RARS2: variants seen among roughly 807,000 people sequenced by gnomAD.
The protein encoded by RARS2 is probable arginine--tRNA ligase, mitochondrial.
RARS2 carries 67 observed loss-of-function variants against 88.5 expected under a neutral mutation model. That is an observed-to-expected ratio of 0.76 (90% CI 0.62 to 0.93). The LOEUF is 0.93. Ranked by LOEUF, RARS2 falls within the 40% of genes least tolerant of loss-of-function variation. RARS2 has a pLI of 0.00. For synonymous variants in RARS2, 239 were observed against 230.3 expected (o/e 1.04, Z -0.34); for missense variants, 664 against 684.2 (o/e 0.97, Z 0.33).
chr6:87,558,593 TA>T (rs1562198261), intron 4 of RARS2, among the ~76,000 whole-genome samples: 1 of 152,230 alleles, frequency 6.6e-6, no homozygotes, highest in Non-Finnish European at 1.5e-5. Context: ...CCATTAAGAC[TA>T]TAATGGAGCT....
At chr6:87,578,989 A>AATAT (rs1772527544) in intron 1 of RARS2, among the ~76,000 whole-genome samples, 1 of 147,466 alleles carries the variant, frequency 6.8e-6, no homozygotes, top group African/African-American at 2.5e-5. Context: ...AAAAAAGACT[A>AATAT]ATATTTACTG....
At chr6:87,556,436 A>G (rs1785913829) in intron 4 of RARS2, among the ~76,000 whole-genome samples, 1 of 151,988 alleles carries the variant, frequency 6.6e-6, no homozygotes, top group South Asian at 2.1e-4. Context: ...CTACCACCTC[A>G]GCCTCCAGAG....
intron 18 of RARS2, 25 bp from the exon 19 acceptor site, chr6:87,515,045 G>A (rs766409018): frequency 5.7e-6 from 9 of 1,566,064 alleles, no homozygotes; most frequent in East Asian, 2.2e-5. Context: ...GAGAAATCAC[G>A]ATAGTACCAG....
intron 4 of RARS2, among the ~76,000 whole-genome samples, chr6:87,560,758 A>G (rs1787600770): frequency 6.6e-6 from 1 of 152,188 alleles, no homozygotes; most frequent in Non-Finnish European, 1.5e-5. Flanking sequence ...GCGGTGGTGC[A>G]TGCCTGTAAT....
At chr6:87,529,697 C>T (rs1484366776) in intron 9 of RARS2, 49 bp from the exon 10 acceptor site, 3 of 1,359,120 alleles carry the variant, frequency 2.2e-6, no homozygotes, top group Non-Finnish European at 3.2e-6. Flanking sequence ...ATTGAATCTC[C>T]TATTCTTACC....
In RARS2 at chr6:87,530,926, T is replaced by C. The variant is rs1777319482; in HGVS notation, c.629A>G (p.Asn210Ser). Residue 210 changes from asparagine to serine, a missense_variant, in exon 9 of 20, where the codon AAT (asparagine) becomes AGT (serine). Asn to Ser is a conservative substitution (Grantham distance 46). Coordinates refer to ENST00000369536, the MANE Select transcript of RARS2 (RefSeq NM_020320.5). Reference sequence around the variant, plus strand: ...ACTTTTATCATCTGCTGCTTCTTTATTAACTTGTACATAAACCTAAAAGTA... The same window carrying C: ...ACTTTTATCATCTGCTGCTTCTTTACTAACTTGTACATAAACCTAAAAGTA... Reference protein sequence around the residue: ...QHLFEVYVQVNKEAADDKSVA... With the variant: ...QHLFEVYVQVSKEAADDKSVA... The C allele has an allele frequency of 1.2e-6, 2 of 1,614,168 alleles. No individual in the cohort carries two copies. Among genetic ancestry groups the C allele is most frequent in the Non-Finnish European group, 1.7e-6 (2 of 1,180,018 alleles).
intron 1 of RARS2, among the ~76,000 whole-genome samples, chr6:87,586,886 T>C (rs1775332079): frequency 6.0e-5 from 1 of 16,762 alleles, no homozygotes; most frequent in South Asian, 1.4e-3. Flanking sequence ...GGTTGGTTAT[T>C]TATTTATTTA....
intron 1 of RARS2, among the ~76,000 whole-genome samples, chr6:87,578,728 G>C (rs955761722): frequency 3.9e-5 from 6 of 152,214 alleles, no homozygotes; most frequent in African/African-American, 1.4e-4. Context: ...GGAGGCCGAG[G>C]CAGGCAGATC....
chr6:87,570,842 G>GCA (rs1369405796), intron 1 of RARS2, among the ~76,000 whole-genome samples: 1 of 152,106 alleles, frequency 6.6e-6, no homozygotes, highest in African/African-American at 2.4e-5. Context: ...AGTGAGCACT[G>GCA]CACCAGTCCT....
At chr6:87,519,009 A>G in intron 14 of RARS2, 118 bp from the exon 15 acceptor site, 1 of 991,014 alleles carries the variant, frequency 1.0e-6, no homozygotes, top group Non-Finnish European at 1.6e-6. Context: ...ATTCAGAATG[A>G]GTAATTACTT....
intron 2 of RARS2, among the ~76,000 whole-genome samples, chr6:87,565,137 A>G (rs1767481144): frequency 6.6e-6 from 1 of 152,182 alleles, no homozygotes; most frequent in South Asian, 2.1e-4. Context: ...TGTCTCCTTT[A>G]AAATCCTACT....
chr6:87,575,225 G>GCACA (rs58168335), intron 1 of RARS2, among the ~76,000 whole-genome samples: 8,754 of 114,464 alleles, frequency 0.076, 477 homozygotes, highest in East Asian at 0.12. Flanking sequence ...AAAATAGAAA[G>GCACA]CACACACACA....
intron 4 of RARS2, among the ~76,000 whole-genome samples, chr6:87,562,091 A>C (rs1458883929): frequency 1.3e-5 from 2 of 152,184 alleles, no homozygotes; most frequent in Non-Finnish European, 2.9e-5. Flanking sequence ...CAGCCTCCAG[A>C]GCAGTTGGGA....
intron 5 of RARS2, 106 bp downstream of exon 5, chr6:87,555,302 A>G: frequency 1.2e-6 from 1 of 818,352 alleles, no homozygotes; most frequent in Non-Finnish European, 2.1e-6. Context: ...ACTGGTTTTC[A>G]AGTTTTCCAC....
At chr6:87,566,849 C>CAAA (rs36032606) in intron 2 of RARS2, among the ~76,000 whole-genome samples, 4,754 of 60,020 alleles carry the variant, frequency 0.079, 365 homozygotes, top group Non-Finnish European at 0.093. Context: ...GGTCCTGTCT[C>CAAA]AAAAAAAAAA....
chr6:87,566,685 A>T (rs1357539168), intron 2 of RARS2, among the ~76,000 whole-genome samples: 4 of 151,716 alleles, frequency 2.6e-5, no homozygotes, highest in Non-Finnish European at 5.9e-5. Context: ...TCTCTACAGA[A>T]AATTTAAAAA....
intron 19 of RARS2, 52 bp downstream of exon 19, chr6:87,514,905 A>G (rs1771041387): frequency 2.8e-6 from 4 of 1,423,618 alleles, no homozygotes; most frequent in Non-Finnish European, 4.0e-6. Context: ...TGACTTAGTA[A>G]TATTAGTCTC....
intron 8 of RARS2, among the ~76,000 whole-genome samples, chr6:87,536,766 AAT>A (rs1554190696): frequency 6.6e-6 from 1 of 152,208 alleles, no homozygotes; most frequent in Non-Finnish European, 1.5e-5. Flanking sequence ...AAATAAAAAA[AAT>A]ATATTAGTTA....
intron 5 of RARS2, 124 bp downstream of exon 5, chr6:87,555,284 A>G (rs1582643327): frequency 7.2e-6 from 5 of 697,698 alleles, no homozygotes; most frequent in East Asian, 5.4e-5. Context: ...AAGAAATAAC[A>G]TAATTGCACT....
Sources: allele counts gnomAD v4.1 joint callset (sites outside exome capture counted in the v4.1 genomes callset), GRCh38; gene constraint gnomAD v4.1.1; transcripts MANE v1.5; gene names NCBI Gene and HGNC (gene_info 2026-07-23, HGNC 2026-07-21).